The following TTC6 variants were observed in gnomAD, a reference collection of about 807,000 sequenced individuals.
TTC6 encodes tetratricopeptide repeat domain 6.
Under a neutral mutation model 210.4 loss-of-function variants are expected in TTC6, and 172 were observed. The observed-to-expected ratio is 0.82, with a 90% CI of 0.72 to 0.93. TTC6 has a LOEUF of 0.93. Among genes scored for constraint, TTC6 ranks in the 40% least tolerant of loss-of-function variants. The pLI, the probability that TTC6 is intolerant of heterozygous loss-of-function variation, is 0.00. For missense variants in TTC6, 2,414 were observed against 2,318.1 expected (o/e 1.04, Z -0.85); for synonymous variants, 804 against 819.6 (o/e 0.98, Z 0.32).
chr14:37,649,999 TTTC>T (rs200683709), intron 1 of TTC6, among the ~76,000 whole-genome samples: 1,563 of 152,340 alleles, frequency 0.01, 11 homozygotes, highest in Middle Eastern at 0.044. Context: ...GATACTGACT[TTTC>T]TTGATAATTA....
chr14:37,803,021 C>A (rs1452753282), intron 20 of TTC6, among the ~76,000 whole-genome samples: 1 of 152,208 alleles, frequency 6.6e-6, no homozygotes, highest in African/African-American at 2.4e-5. Flanking sequence ...GTGTAAGCCA[C>A]TGTGCCCAGC....
chr14:37,837,529 A>C (rs781375421), intron 29 of TTC6: 2 of 408,268 alleles, frequency 4.9e-6, no homozygotes, highest in Non-Finnish European at 9.8e-6. Context: ...AAGTTCATGG[A>C]GTATTGCCTA....
At chr14:37,824,376 A>T (rs1020021661) in intron 27 of TTC6, among the ~76,000 whole-genome samples, 3 of 152,234 alleles carry the variant, frequency 2.0e-5, no homozygotes, top group Non-Finnish European at 4.4e-5. Context: ...GAAGAAAATT[A>T]GCCATTACTG....
intron 3 of TTC6, among the ~76,000 whole-genome samples, chr14:37,692,090 A>G (rs1441187154): frequency 6.6e-6 from 1 of 151,624 alleles, no homozygotes. Context: ...TGCTGAATTG[A>G]AAGCACTAAC....
chr14:37,836,761 T>C (rs1022792544), intron 29 of TTC6, among the ~76,000 whole-genome samples: 1 of 152,158 alleles, frequency 6.6e-6, no homozygotes, highest in Non-Finnish European at 1.5e-5. Flanking sequence ...TGTCACCCTC[T>C]ACCCTCATCC....
intron 7 of TTC6, among the ~76,000 whole-genome samples, chr14:37,727,529 G>A (rs982956386): frequency 4.9e-4 from 24 of 49,248 alleles, no homozygotes; most frequent in African/African-American, 1.6e-3. Context: ...TCCTGACCTT[G>A]TGATCCGCCC....
chr14:37,612,692 A>C (rs2095636592), intron 2 of TTC6, among the ~76,000 whole-genome samples: 1 of 152,160 alleles, frequency 6.6e-6, no homozygotes, highest in Admixed American at 6.5e-5. Context: ...TTCAGTGTAG[A>C]GATTTTGGAC....
At chr14:37,640,260 T>C (rs2095689335) in intron 1 of TTC6, among the ~76,000 whole-genome samples, 1 of 152,118 alleles carries the variant, frequency 6.6e-6, no homozygotes, top group South Asian at 2.1e-4. Flanking sequence ...TTTTTTTGCT[T>C]GTTTGCATAA....
At chr14:37,750,347 A>G (rs1469875887) in intron 12 of TTC6, among the ~76,000 whole-genome samples, 1 of 152,224 alleles carries the variant, frequency 6.6e-6, no homozygotes, top group Non-Finnish European at 1.5e-5. Context: ...CAACATACCC[A>G]TAAAATAAAA....
intron 5 of TTC6, among the ~76,000 whole-genome samples, chr14:37,713,315 G>A (rs1297925310): frequency 6.6e-6 from 1 of 152,144 alleles, no homozygotes; most frequent in African/African-American, 2.4e-5. Context: ...TAGAACATTG[G>A]CTTCTGGAAC....
intron 21 of TTC6, among the ~76,000 whole-genome samples, chr14:37,805,162 T>A (rs1309362706): frequency 6.6e-6 from 1 of 152,202 alleles, no homozygotes; most frequent in African/African-American, 2.4e-5. Context: ...TTTAACATAA[T>A]GTAGAATAAA....
exon 20 of TTC6, chr14:37,796,883 A>G: frequency 6.2e-7 from 1 of 1,611,164 alleles, no homozygotes; most frequent in Non-Finnish European, 8.5e-7. Flanking sequence ...ATCAGCTGGA[A>G]TAGAGCTGAG....
intron 6 of TTC6, among the ~76,000 whole-genome samples, chr14:37,718,545 C>G (rs2095856306): frequency 7.2e-6 from 1 of 138,766 alleles, no homozygotes; most frequent in African/African-American, 2.7e-5. Context: ...TGCATTAAGG[C>G]AAGAAGTGGG....
rs139018646 is a variant in TTC6 at position 37,749,387 on chromosome 14, A to G, written c.2812A>G (p.Asn938Asp). 1.1e-3 allele frequency: 1,546 copies of G among 1,445,882 alleles called. 6 individuals are homozygous for G. Among genetic ancestry groups the G allele is most frequent in the South Asian group, 1.7e-3 (112 of 66,888 alleles). The allele number at this position is 1,445,882 out of a possible 1,614,324, so 89.6% of individuals were successfully genotyped here. A position where few individuals can be genotyped will look rare whatever the true frequency, so the allele number is the denominator to read the frequency against. Residue 938 changes from asparagine to aspartate, a missense_variant, in exon 11 of 31, where the codon AAT becomes GAT. Transcript: ENST00000553443. ...ACTGGGAAAGTTGCAGAGTGCCATGAATGATCTGCAGAGAGTAAGTTTTCT... is the reference window on the plus strand; with the variant it reads ...ACTGGGAAAGTTGCAGAGTGCCATGGATGATCTGCAGAGAGTAAGTTTTCT...
chr14:37,796,891 G>C (rs2096094014), exon 20 of TTC6: 3 of 1,610,150 alleles, frequency 1.9e-6, no homozygotes, highest in Non-Finnish European at 2.5e-6. Context: ...GAATAGAGCT[G>C]AGATGACCAT....
At chr14:37,759,810 A>G (rs77217530) in intron 14 of TTC6, among the ~76,000 whole-genome samples, 4,843 of 152,174 alleles carry the variant, frequency 0.032, 241 homozygotes, top group African/African-American at 0.1. Context: ...ATACTTGTGT[A>G]TGCTTCACGA....
intron 3 of TTC6, among the ~76,000 whole-genome samples, chr14:37,691,350 CAAAA>C (rs1197087110): frequency 2.0e-5 from 3 of 151,620 alleles, no homozygotes; most frequent in East Asian, 1.9e-4. Flanking sequence ...AAACAACAAA[CAAAA>C]AAACACAATA....
chr14:37,723,485 C>T (rs2095865774), intron 6 of TTC6, among the ~76,000 whole-genome samples: 1 of 152,224 alleles, frequency 6.6e-6, no homozygotes, highest in Non-Finnish European at 1.5e-5. Context: ...GCATCCAACT[C>T]TAATCTACCT....
intron 29 of TTC6, among the ~76,000 whole-genome samples, chr14:37,828,893 T>C (rs2096178364): frequency 6.6e-6 from 1 of 152,054 alleles, no homozygotes; most frequent in South Asian, 2.1e-4. Context: ...TATTTGAGGG[T>C]TCCTATATAT....
Sources: gnomAD v4.1 joint callset for allele counts (sites outside exome capture counted in the v4.1 genomes callset) on GRCh38, gnomAD v4.1.1 for gene constraint, MANE v1.5 for transcripts, NCBI Gene and HGNC (gene_info 2026-07-23, HGNC 2026-07-21) for gene names.